Variants in ANKS1B observed in about 807,000 individuals in gnomAD.
ANKS1B encodes the protein ankyrin repeat and sterile alpha motif domain-containing protein 1B.
In ANKS1B, 36 loss-of-function variants were observed where a neutral mutation model predicts 148.3. The ratio of observed to expected loss-of-function variants is 0.24; its 90% CI spans 0.19 to 0.32. ANKS1B has a LOEUF of 0.32. Ranked by LOEUF, ANKS1B falls within the 10% of genes least tolerant of loss-of-function variation. The pLI is 1.00. For synonymous variants in ANKS1B, 542 were observed against 560.8 expected, an observed-to-expected ratio of 0.97 and a Z score of 0.47; for missense variants, 1,157 against 1,542.6, an observed-to-expected ratio of 0.75 and a Z score of 4.19.
chr12:99,049,666 A>G (rs2099964697), intron 17 of ANKS1B, among the ~76,000 whole-genome samples: 1 of 152,238 alleles, frequency 6.6e-6, no homozygotes, highest in African/African-American at 2.4e-5. Flanking sequence ...ATGTAAATAT[A>G]GTTTCCAAAG....
chr12:99,559,851 G>T (rs2153193627), intron 9 of ANKS1B, among the ~76,000 whole-genome samples: 1 of 152,270 alleles, frequency 6.6e-6, no homozygotes, highest in South Asian at 2.1e-4. Context: ...TATAGAGGAT[G>T]CTTACATGCA....
At chr12:99,294,147 C>T (rs1250950530) in intron 12 of ANKS1B, among the ~76,000 whole-genome samples, 1 of 152,146 alleles carries the variant, frequency 6.6e-6, no homozygotes, top group Non-Finnish European at 1.5e-5. Context: ...ATAGAACCAC[C>T]ATATGTTCCA....
chr12:99,049,896 C>T (rs1014869424), intron 17 of ANKS1B, among the ~76,000 whole-genome samples: 1 of 152,216 alleles, frequency 6.6e-6, no homozygotes, highest in African/African-American at 2.4e-5. Flanking sequence ...ATCCTCCATT[C>T]TCTTCCCCTC....
In ANKS1B at chr12:99,054,072, T is replaced by C. The variant is rs1052894183; in HGVS notation, c.2626-763A>G. Reference sequence around the variant, plus strand: ...TGGGTTTAAAATTTTGTATGGATTATTCTGGTCCTTTAGCTTTTATTTGAA... The same window carrying C: ...TGGGTTTAAAATTTTGTATGGATTACTCTGGTCCTTTAGCTTTTATTTGAA... On this transcript the variant is annotated intron_variant, in intron 16 of 26. Coordinates refer to ENST00000683438, the MANE Select transcript of ANKS1B (RefSeq NM_001352186.2). Among the ~76,000 whole-genome samples, 18 of 152,238 alleles carry C rather than the reference T, an allele frequency of 1.2e-4. 1 individual carries two copies. Among genetic ancestry groups the C allele is most frequent in the Admixed American group, 3.3e-4 (5 of 15,286 alleles).
intron 8 of ANKS1B, among the ~76,000 whole-genome samples, chr12:99,759,737 A>G (rs981400218): frequency 7.2e-5 from 11 of 151,878 alleles, no homozygotes; most frequent in African/African-American, 2.7e-4. Context: ...CACTATGACA[A>G]ATGAACAAGG....
chr12:99,160,250 T>C (rs1007322125), intron 14 of ANKS1B, among the ~76,000 whole-genome samples: 18 of 152,276 alleles, frequency 1.2e-4, no homozygotes, highest in African/African-American at 4.1e-4. Context: ...TTATCAATTT[T>C]TGTTTTTGTT....
chr12:99,216,251 C>CACATA (rs1271740008), intron 14 of ANKS1B, among the ~76,000 whole-genome samples: 1 of 152,114 alleles, frequency 6.6e-6, no homozygotes, highest in East Asian at 1.9e-4. Flanking sequence ...ATAAATTACC[C>CACATA]ACATAATTCT....
intron 17 of ANKS1B, among the ~76,000 whole-genome samples, chr12:98,946,981 A>G (rs1463139390): frequency 6.9e-6 from 1 of 145,342 alleles, no homozygotes; most frequent in African/African-American, 2.5e-5. Context: ...TGTTTTGAGT[A>G]GACTTTTGAG....
At chr12:99,061,609 C>T (rs977576942) in intron 16 of ANKS1B, among the ~76,000 whole-genome samples, 3 of 152,196 alleles carry the variant, frequency 2.0e-5, no homozygotes, top group Non-Finnish European at 4.4e-5. Flanking sequence ...TAAACCTGCA[C>T]TGCTCATTTC....
chr12:99,232,925 C>A (rs1321598382), intron 14 of ANKS1B, among the ~76,000 whole-genome samples: 1 of 151,910 alleles, frequency 6.6e-6, no homozygotes, highest in African/African-American at 2.4e-5. Context: ...TGAGAATTCC[C>A]AACCTGAAAA....
chr12:99,377,541 C>T (rs888556375), intron 12 of ANKS1B, among the ~76,000 whole-genome samples: 8 of 152,082 alleles, frequency 5.3e-5, no homozygotes, highest in African/African-American at 1.4e-4. Context: ...TCTTTGCCAA[C>T]GAATTGTGAC....
chr12:98,821,893 C>T (rs12368274), intron 19 of ANKS1B, among the ~76,000 whole-genome samples: 41,199 of 151,134 alleles, frequency 0.27, 5,835 homozygotes, highest in Middle Eastern at 0.32. Context: ...CAGGCATAAG[C>T]CACGATGCCT....
chr12:99,012,045 G>A (rs1387202003), intron 17 of ANKS1B, among the ~76,000 whole-genome samples: 1 of 152,088 alleles, frequency 6.6e-6, no homozygotes, highest in Non-Finnish European at 1.5e-5. Flanking sequence ...TTTCAGGTAC[G>A]TGCATGTCTG....
rs75388481 is a variant in ANKS1B, at chr12:99,366,125, G to A, written c.1756+33506C>T. Among the ~76,000 whole-genome samples the A allele has an allele frequency of 5.8e-3, 876 of 152,240 alleles. 13 individuals are homozygous for A. The highest frequency in any genetic ancestry group is 0.02 in the African/African-American group (830 of 41,554). On this transcript the variant is annotated intron_variant, in intron 12 of 26. Transcript: ENST00000683438. Reference sequence around the variant, plus strand: ...GTTTCTCTAGACTCCCAAATCAGCCGGGCTCTGGGTGGGCTTGAACAGCCA... The same window carrying A: ...GTTTCTCTAGACTCCCAAATCAGCCAGGCTCTGGGTGGGCTTGAACAGCCA...
intron 1 of ANKS1B, among the ~76,000 whole-genome samples, chr12:99,826,750 A>C (rs945398458): frequency 1.3e-5 from 2 of 152,134 alleles, no homozygotes; most frequent in Non-Finnish European, 2.9e-5. Context: ...GAAATTGAAA[A>C]AAAATTCTAA....
chr12:99,154,237 A>G, intron 15 of ANKS1B, 52 bp downstream of exon 15: 3 of 1,605,676 alleles, frequency 1.9e-6, no homozygotes, highest in Non-Finnish European at 2.6e-6. Flanking sequence ...TAAGACACAT[A>G]AGAAGCAAAG....
At chr12:99,429,692 G>A (rs577405824) in intron 11 of ANKS1B, among the ~76,000 whole-genome samples, 3 of 152,202 alleles carry the variant, frequency 2.0e-5, no homozygotes, top group Non-Finnish European at 4.4e-5. Context: ...GGCCGGGCGC[G>A]GTGGCTCACG....
At chr12:99,057,913 G>A (rs569812427) in intron 16 of ANKS1B, among the ~76,000 whole-genome samples, 1 of 152,302 alleles carries the variant, frequency 6.6e-6, no homozygotes, top group Non-Finnish European at 1.5e-5. Context: ...ACCCTAGCTC[G>A]ATGGGGCTCA....
chr12:99,781,959 T>A (rs2064376313), intron 5 of ANKS1B, 63 bp downstream of exon 5: 6 of 1,409,256 alleles, frequency 4.3e-6, no homozygotes, highest in Non-Finnish European at 5.8e-6. Context: ...TTTTCCTTTG[T>A]CTATTCCCAA....
Sources: gnomAD v4.1 joint callset for allele counts (sites outside exome capture counted in the v4.1 genomes callset) on GRCh38, gnomAD v4.1.1 for gene constraint, MANE v1.5 for transcripts, NCBI Gene and HGNC (gene_info 2026-07-23, HGNC 2026-07-21) for gene names.